The following ELAVL4 variants were observed in gnomAD, a reference collection of about 807,000 sequenced individuals.
The protein encoded by ELAVL4 is ELAV-like protein 4.
ELAVL4 carries 1 observed loss-of-function variant against 35.6 expected under a neutral mutation model. The ratio of observed to expected loss-of-function variants is 0.03; its 90% confidence interval spans 0.01 to 0.13. The LOEUF (loss-of-function observed/expected upper bound fraction) is 0.13. Among genes scored for constraint, ELAVL4 ranks in the 10% least tolerant of loss-of-function variants. ELAVL4 has a pLI of 1.00. For missense variants in ELAVL4, 267 were observed against 464.9 expected, an observed-to-expected ratio of 0.57 and a Z score of 3.91; for synonymous variants, 156 against 171.0, an observed-to-expected ratio of 0.91 and a Z score of 0.69.
chr1:50,200,681 C>T, intron 6 of ELAVL4, 170 bp from the exon 7 acceptor site: 3 of 1,327,952 alleles, frequency 2.3e-6, no homozygotes, highest in South Asian at 1.4e-5. Flanking sequence ...CCATTCCCAT[C>T]AGAGGAAATG....
At chr1:50,052,156 A>C (rs916554345) in intron 1 of ELAVL4, among the ~76,000 whole-genome samples, 1 of 152,230 alleles carries the variant, frequency 6.6e-6, no homozygotes, top group Non-Finnish European at 1.5e-5. Flanking sequence ...CCAGTAACAC[A>C]TGGTTTTAGT....
chr1:50,119,952 G>C lies in ELAVL4; in HGVS notation c.9+10754G>C, dbSNP rs146945274. Among the ~76,000 whole-genome samples, 55 of 151,474 alleles carry C rather than the reference G, an allele frequency of 3.6e-4. 1 individual carries two copies. The highest frequency in any genetic ancestry group is 1.2e-3 in the African/African-American group (50 of 41,312). On this transcript the variant is annotated intron_variant, in intron 1 of 6. Transcript: ENST00000371824. ...ACGTTTAGTAATATCAGAAGTCTTC[G>C]CTCCAGAGTGTTTGGGAATATGTCC... is the stretch of plus-strand genomic sequence containing the variant.
chr1:50,093,589 G>T (rs868641287), intron 1 of ELAVL4, among the ~76,000 whole-genome samples: 3 of 152,202 alleles, frequency 2.0e-5, no homozygotes, highest in African/African-American at 7.2e-5. Flanking sequence ...ATTATTAATA[G>T]AGACTCCTTG....
At chr1:50,089,616 A>G (rs1017447262) in intron 1 of ELAVL4, among the ~76,000 whole-genome samples, 8 of 152,150 alleles carry the variant, frequency 5.3e-5, no homozygotes, top group African/African-American at 1.7e-4. Context: ...TTAGCCAGGC[A>G]TGGTGGCATG....
chr1:50,139,299 G>A (rs1256544502), intron 1 of ELAVL4, among the ~76,000 whole-genome samples: 1 of 152,184 alleles, frequency 6.6e-6, no homozygotes, highest in Non-Finnish European at 1.5e-5. Context: ...CAAAACAGAT[G>A]TGATCTCTGT....
At chr1:50,187,436 TG>T (rs1406111543) in intron 3 of ELAVL4, among the ~76,000 whole-genome samples, 1 of 152,218 alleles carries the variant, frequency 6.6e-6, no homozygotes, top group African/African-American at 2.4e-5. Context: ...TTCTAAACTA[TG>T]TATTCAAGTG....
intron 1 of ELAVL4, among the ~76,000 whole-genome samples, chr1:50,065,224 A>G (rs935418526): frequency 6.6e-6 from 1 of 152,190 alleles, no homozygotes; most frequent in Non-Finnish European, 1.5e-5. Flanking sequence ...ATATCAACAA[A>G]TGAAGTCAGT....
intron 1 of ELAVL4, among the ~76,000 whole-genome samples, chr1:50,115,555 T>G (rs1667801072): frequency 6.6e-6 from 1 of 152,142 alleles, no homozygotes; most frequent in Non-Finnish European, 1.5e-5. Context: ...CTATAAAATA[T>G]AGTTCATAAA....
chr1:50,119,039 A>G (rs1050782208), intron 1 of ELAVL4, among the ~76,000 whole-genome samples: 1 of 48,676 alleles, frequency 2.1e-5, no homozygotes, highest in East Asian at 7.1e-4. Context: ...AGAAAGAAAA[A>G]GAAAGAAAGA....
chr1:50,082,655 G>A (rs1665060916), intron 1 of ELAVL4, among the ~76,000 whole-genome samples: 1 of 152,112 alleles, frequency 6.6e-6, no homozygotes, highest in Non-Finnish European at 1.5e-5. Flanking sequence ...TAGAAGTCAT[G>A]ATTTTACCTA....
At chr1:50,101,257 A>G (rs1001805392), upstream of ELAVL4, among the ~76,000 whole-genome samples, 3 of 152,086 alleles carry the variant, frequency 2.0e-5, no homozygotes, top group Non-Finnish European at 2.9e-5. Context: ...TTGAGCAACT[A>G]CTGTATGTAA....
At chr1:50,135,210 G>A (rs150509675) in intron 1 of ELAVL4, among the ~76,000 whole-genome samples, 18 of 152,096 alleles carry the variant, frequency 1.2e-4, no homozygotes, top group Non-Finnish European at 2.5e-4. Context: ...GATGCCTCAC[G>A]CTTACCTCAT....
chr1:50,148,908 G>C (rs1360527056), intron 2 of ELAVL4, among the ~76,000 whole-genome samples: 2 of 152,126 alleles, frequency 1.3e-5, no homozygotes, highest in African/African-American at 2.4e-5. Flanking sequence ...CTGAATCCAA[G>C]TTCCTATGTG....
intron 1 of ELAVL4, among the ~76,000 whole-genome samples, chr1:50,052,070 A>G (rs1160973938): frequency 1.3e-5 from 2 of 152,194 alleles, no homozygotes; most frequent in African/African-American, 2.4e-5. Flanking sequence ...TAAAGGCCCT[A>G]TATGAAAATA....
chr1:50,053,086 T>G (rs761141237), intron 1 of ELAVL4, among the ~76,000 whole-genome samples: 5 of 152,240 alleles, frequency 3.3e-5, no homozygotes, highest in Non-Finnish European at 7.3e-5. Flanking sequence ...AGTACCAGCT[T>G]GATACTTGAT....
At chr1:50,077,023 T>TTCTC (rs146497523) in intron 1 of ELAVL4, among the ~76,000 whole-genome samples, 72 of 147,076 alleles carry the variant, frequency 4.9e-4, no homozygotes, top group African/African-American at 1.5e-3. Context: ...AATGGGATGT[T>TTCTC]TCTCTCTCTC....
intron 2 of ELAVL4, among the ~76,000 whole-genome samples, chr1:50,171,266 G>A (rs1037734225): frequency 6.6e-6 from 1 of 152,136 alleles, no homozygotes; most frequent in Non-Finnish European, 1.5e-5. Flanking sequence ...CAGTGCAAGT[G>A]AATGTATCCC....
intron 1 of ELAVL4, among the ~76,000 whole-genome samples, chr1:50,128,780 C>T (rs1670380378): frequency 6.6e-6 from 1 of 152,018 alleles, no homozygotes; most frequent in Non-Finnish European, 1.5e-5. Flanking sequence ...CTGCAGAAGC[C>T]TACAGAAGGC....
upstream of ELAVL4, among the ~76,000 whole-genome samples, chr1:50,104,890 A>G (rs1453055824): frequency 1.3e-5 from 2 of 152,244 alleles, no homozygotes; most frequent in Non-Finnish European, 2.9e-5. Context: ...TAATTGGAAT[A>G]GAGTGATACA....
Sources: gnomAD v4.1 joint callset for allele counts (sites outside exome capture counted in the v4.1 genomes callset) on GRCh38, gnomAD v4.1.1 for gene constraint, MANE v1.5 for transcripts, NCBI Gene and HGNC (gene_info 2026-07-23, HGNC 2026-07-21) for gene names.